The following MDGA2 variants were observed in gnomAD, a reference collection of about 807,000 sequenced individuals.
MDGA2 encodes MAM domain-containing glycosylphosphatidylinositol anchor protein 2.
In MDGA2, 40 loss-of-function variants were observed where a neutral mutation model predicts 117.8. The observed-to-expected ratio is 0.34, with a 90% CI of 0.26 to 0.44. The LOEUF is 0.44. MDGA2 is among the 20% of genes least tolerant of loss of function. The pLI is 1.00. For missense variants in MDGA2, 1,123 were observed against 1,250.6 expected (o/e 0.90, Z 1.54); for synonymous variants, 452 against 439.0 (o/e 1.03, Z -0.37).
chr14:47,339,028 G>C (rs1890541712), intron 1 of MDGA2, among the ~76,000 whole-genome samples: 1 of 151,734 alleles, frequency 6.6e-6, no homozygotes, highest in Non-Finnish European at 1.5e-5. Flanking sequence ...TATTTAGAAA[G>C]AAAAAAATGT....
At chr14:47,575,284 T>C (rs1450618090) in intron 1 of MDGA2, among the ~76,000 whole-genome samples, 4 of 152,220 alleles carry the variant, frequency 2.6e-5, no homozygotes, top group Non-Finnish European at 5.9e-5. Context: ...AATTTCCTTT[T>C]AAATACTGAT....
In MDGA2 at chr14:47,458,011, T is replaced by A. The variant is rs535082226; in HGVS notation, c.281-156461A>T. ...TCCATAAGATGTCTTCCCCATATTT[T>A]TTTTTTTTTTTAATCTTGTCATGAT... is the stretch of plus-strand genomic sequence containing the variant. On this transcript the variant is annotated intron_variant, in intron 1 of 16. Coordinates refer to ENST00000399232, the MANE Select transcript of MDGA2 (RefSeq NM_001113498.3). 8.0e-3 allele frequency among the ~76,000 whole-genome samples: 1,184 copies of A among 148,448 alleles called. 15 individuals are homozygous for A. Among genetic ancestry groups the A allele is most frequent in the African/African-American group, 0.026 (1,072 of 40,560 alleles).
At chr14:47,255,231 T>C (rs1421790497) in intron 2 of MDGA2, among the ~76,000 whole-genome samples, 1 of 152,198 alleles carries the variant, frequency 6.6e-6, no homozygotes, top group African/African-American at 2.4e-5. Flanking sequence ...AAAAAGGATA[T>C]ACCAAATTTT....
intron 1 of MDGA2, among the ~76,000 whole-genome samples, chr14:47,605,741 C>T (rs1231743037): frequency 6.6e-6 from 1 of 152,122 alleles, no homozygotes; most frequent in East Asian, 1.9e-4. Flanking sequence ...CTGATAATCC[C>T]CCACAAAAGG....
intron 6 of MDGA2, among the ~76,000 whole-genome samples, chr14:47,062,245 T>G (rs1302316531): frequency 5.3e-5 from 8 of 151,350 alleles, no homozygotes; most frequent in African/African-American, 1.9e-4. Context: ...TTGTTGGCTC[T>G]CTAATGCGGA....
At chr14:47,125,736 G>A (rs906730918) in intron 5 of MDGA2, among the ~76,000 whole-genome samples, 2 of 151,992 alleles carry the variant, frequency 1.3e-5, no homozygotes, top group Admixed American at 1.3e-4. Context: ...ATTAGATAAT[G>A]TTTATAAATG....
intron 1 of MDGA2, among the ~76,000 whole-genome samples, chr14:47,445,596 A>G (rs1300858667): frequency 1.3e-5 from 2 of 152,076 alleles, no homozygotes; most frequent in African/African-American, 4.8e-5. Flanking sequence ...GAAAAGCTTC[A>G]TGAAAAAAAT....
chr14:47,627,247 T>A (rs1897163340), intron 1 of MDGA2, among the ~76,000 whole-genome samples: 2 of 151,750 alleles, frequency 1.3e-5, no homozygotes, highest in African/African-American at 2.4e-5. Context: ...CTGTGTCTAG[T>A]TAATCTGGTG....
rs1316205697 is a variant in MDGA2, at chr14:46,929,644, TATACA to T, written c.2090-9489_2090-9485del. Among the ~76,000 whole-genome samples the T allele has an allele frequency of 6.1e-3, 261 of 42,934 alleles. 30 individuals are homozygous for T. The highest frequency in any genetic ancestry group is 7.9e-3 in the Non-Finnish European group (175 of 22,252). 28.2% of individuals were successfully genotyped at this position (42,934 alleles called of 152,430 possible). Reference sequence around the variant, plus strand: ...ATATATATATATATATATATATATATATACATTTTTTTTTTTTTTTTTTCGAGATG... The same window carrying T: ...ATATATATATATATATATATATATATTTTTTTTTTTTTTTTTTTCGAGATG... On this transcript the variant is annotated intron_variant, in intron 9 of 16. Transcript: ENST00000399232.
intron 5 of MDGA2, among the ~76,000 whole-genome samples, chr14:47,117,539 G>C (rs1356698589): frequency 6.6e-6 from 1 of 152,092 alleles, no homozygotes; most frequent in African/African-American, 2.4e-5. Context: ...AGAAAATGTG[G>C]TATGTACATA....
chr14:47,648,993 T>A (rs1163294485), intron 1 of MDGA2, among the ~76,000 whole-genome samples: 1 of 152,200 alleles, frequency 6.6e-6, no homozygotes, highest in Non-Finnish European at 1.5e-5. Flanking sequence ...GGTTTATATA[T>A]GTATTCTGAC....
chr14:47,136,425 G>GGCCTCAAGTGATCTGCCTGCCTT (rs1882461068), intron 4 of MDGA2, among the ~76,000 whole-genome samples: 1 of 151,872 alleles, frequency 6.6e-6, no homozygotes, highest in Admixed American at 6.6e-5. Flanking sequence ...TGGAACTCCT[G>GGCCTCAAGTGATCTGCCTGCCTT]GCCTCAAGTG....
intron 8 of MDGA2, among the ~76,000 whole-genome samples, chr14:46,970,658 T>C (rs113322050): frequency 0.03 from 4,605 of 152,210 alleles, 89 homozygotes; most frequent in Non-Finnish European, 0.046. Context: ...GGCTAAGACA[T>C]TGAAATCACC....
intron 2 of MDGA2, among the ~76,000 whole-genome samples, chr14:47,294,350 G>A (rs1240013254): frequency 6.6e-6 from 1 of 151,892 alleles, no homozygotes; most frequent in Non-Finnish European, 1.5e-5. Flanking sequence ...GCTGACCTCG[G>A]GCCTCCCAAA....
At chr14:47,467,242 A>G (rs1893622811) in intron 1 of MDGA2, among the ~76,000 whole-genome samples, 1 of 152,120 alleles carries the variant, frequency 6.6e-6, no homozygotes, top group South Asian at 2.1e-4. Flanking sequence ...GGTTTCCTTT[A>G]CCCTCATCAA....
intron 8 of MDGA2, among the ~76,000 whole-genome samples, chr14:47,005,080 A>T (rs889795825): frequency 6.6e-6 from 1 of 151,562 alleles, no homozygotes; most frequent in African/African-American, 2.4e-5. Flanking sequence ...TGCAATATTG[A>T]TGCGATTTAT....
chr14:47,663,880 ATGAAGACTATTAATTAGTCT>A (rs1429137248), intron 1 of MDGA2, among the ~76,000 whole-genome samples: 1 of 152,004 alleles, frequency 6.6e-6, no homozygotes, highest in Admixed American at 6.5e-5. Flanking sequence ...TAGTCTTGAA[ATGAAGACTATTAATTAGTCT>A]TGAAGACTAT....
intron 1 of MDGA2, among the ~76,000 whole-genome samples, chr14:47,410,247 T>C (rs1478586327): frequency 6.6e-6 from 1 of 152,140 alleles, no homozygotes; most frequent in East Asian, 1.9e-4. Context: ...TTGTGTCTTG[T>C]AGTTTACTTA....
intron 2 of MDGA2, among the ~76,000 whole-genome samples, chr14:47,288,367 G>A (rs1463848678): frequency 1.3e-5 from 2 of 152,114 alleles, no homozygotes; most frequent in Admixed American, 6.6e-5. Context: ...ATTCAAAATG[G>A]AGAGTTGTTC....
Sources: gnomAD v4.1 joint callset for allele counts (sites outside exome capture counted in the v4.1 genomes callset) on GRCh38, gnomAD v4.1.1 for gene constraint, MANE v1.5 for transcripts, NCBI Gene and HGNC (gene_info 2026-07-23, HGNC 2026-07-21) for gene names.